Variants in ASCC1 observed in about 807,000 individuals in gnomAD.
The protein encoded by ASCC1 is ASC-1 complex subunit P50.
A neutral mutation model predicts 46.6 loss-of-function variants in ASCC1; 35 were observed. That is an observed-to-expected ratio of 0.75 (90% CI 0.57 to 0.99). ASCC1 has a LOEUF of 0.99. Among genes scored for constraint, ASCC1 ranks in the 50% least tolerant of loss-of-function variants. The pLI is 0.00. For missense variants in ASCC1, 376 were observed against 428.7 expected, an observed-to-expected ratio of 0.88 and a Z score of 1.09; for synonymous variants, 143 against 146.6, an observed-to-expected ratio of 0.98 and a Z score of 0.18.
intron 7 of ASCC1, among the ~76,000 whole-genome samples, chr10:72,149,240 C>T (rs535174441): frequency 6.6e-6 from 1 of 151,780 alleles, no homozygotes; most frequent in South Asian, 2.1e-4. Context: ...AGATCAAGAC[C>T]ATCCTGGCTG....
chr10:72,209,184 T>G (rs896956655), intron 3 of ASCC1, among the ~76,000 whole-genome samples: 2 of 149,476 alleles, frequency 1.3e-5, no homozygotes, highest in African/African-American at 5.0e-5. Flanking sequence ...AAAAAAGAGA[T>G]ATTTAAAAGG....
intron 3 of ASCC1, among the ~76,000 whole-genome samples, chr10:72,209,589 G>C (rs1031042072): frequency 1.3e-5 from 2 of 151,992 alleles, no homozygotes; most frequent in Non-Finnish European, 2.9e-5. Context: ...TTCGAGACCA[G>C]CCTAGCCAAC....
chr10:72,132,971 T>G, intron 8 of ASCC1, 86 bp downstream of exon 8: 1 of 1,568,496 alleles, frequency 6.4e-7, no homozygotes, highest in Non-Finnish European at 8.8e-7. Context: ...TATCAGAGAT[T>G]CTTTGATAGC....
At chr10:72,198,701 G>C (rs189329499) in intron 4 of ASCC1, 13 of 456,012 alleles carry the variant, frequency 2.9e-5, no homozygotes, top group Admixed American at 2.4e-5. Flanking sequence ...GGGTAAATCA[G>C]AGCAAATATC....
intron 9 of ASCC1, among the ~76,000 whole-genome samples, chr10:72,124,507 T>C (rs1782646772): frequency 6.6e-6 from 1 of 152,214 alleles, no homozygotes; most frequent in African/African-American, 2.4e-5. Context: ...ATTGTACCCC[T>C]GGTTCAATCT....
chr10:72,117,163 A>C (rs966732205), intron 9 of ASCC1, among the ~76,000 whole-genome samples: 1 of 152,218 alleles, frequency 6.6e-6, no homozygotes, highest in Non-Finnish European at 1.5e-5. Flanking sequence ...CACAGTAAGC[A>C]TAGTTGTTTT....
At chr10:72,165,432 A>G (rs1422455800) in intron 5 of ASCC1, among the ~76,000 whole-genome samples, 1 of 152,230 alleles carries the variant, frequency 6.6e-6, no homozygotes, top group African/African-American at 2.4e-5. Context: ...AAGCTCTTCT[A>G]TTCCAACAGG....
chr10:72,181,960 A>T (rs1393879865), intron 5 of ASCC1, among the ~76,000 whole-genome samples: 1 of 152,182 alleles, frequency 6.6e-6, no homozygotes, highest in Non-Finnish European at 1.5e-5. Flanking sequence ...TGCTGGGATT[A>T]CAGGTGTGAG....
chr10:72,097,472 C>T (rs1226122379), intron 9 of ASCC1, 22 bp from the exon 10 acceptor site: 1 of 1,414,714 alleles, frequency 7.1e-7, no homozygotes, highest in African/African-American at 1.4e-5. Flanking sequence ...GAATAAAAAC[C>T]CAGAATGAAT....
At chr10:72,121,309 A>G (rs7097589) in intron 9 of ASCC1, among the ~76,000 whole-genome samples, 6,172 of 151,988 alleles carry the variant, frequency 0.041, 450 homozygotes, top group African/African-American at 0.14. Context: ...ATGCCCAGCT[A>G]ATTTTTTTAA....
rs549889777 is a variant in ASCC1 at position 72,101,469 on chromosome 10, GGCGTAACACA to G, written c.958-4029_958-4020del. ...GAGCTGGGCCTTGTGGCAGGTATAG[GGCGTAACACA>G]GAGGAGGGAGGGCAGCATGAAGGCA... is the stretch of plus-strand genomic sequence containing the variant. On this transcript the variant is annotated intron_variant, in intron 9 of 9. Transcript: ENST00000672957. Among the ~76,000 whole-genome samples the G allele has an allele frequency of 1.1e-4, 16 of 152,244 alleles. No individual in the cohort carries two copies. The South Asian group carries it at 2.5e-3, about 24-fold the overall frequency.
At chr10:72,155,335 T>A (rs906640228) in intron 6 of ASCC1, among the ~76,000 whole-genome samples, 8 of 152,174 alleles carry the variant, frequency 5.3e-5, no homozygotes, top group Non-Finnish European at 1.2e-4. Flanking sequence ...AATAATTCTA[T>A]TTATGGGACA....
chr10:72,132,952 AAG>A lies in ASCC1; in HGVS notation c.871+103_871+104del. 13 of 1,467,312 alleles carry A rather than the reference AAG, an allele frequency of 8.9e-6. No homozygotes were observed. In the Middle Eastern group the frequency reaches 1.2e-3, roughly 139 times the overall value. 90.9% of individuals were successfully genotyped at this position (1,467,312 alleles called of 1,614,324 possible). ...TCAGAATAAGCTAAGAGGTCTAAAA[AAG>A]AAGCTATATCAGAGATTCTTTGATA... On this transcript the variant is annotated intron_variant, in intron 8 of 9. Coordinates refer to ENST00000672957, the MANE Select transcript of ASCC1 (RefSeq NM_001198800.3).
At chr10:72,128,405 C>T (rs967644796) in intron 8 of ASCC1, among the ~76,000 whole-genome samples, 1 of 152,240 alleles carries the variant, frequency 6.6e-6, no homozygotes, top group Non-Finnish European at 1.5e-5. Context: ...ATTCTCCAGG[C>T]ACTCACTATA....
intron 9 of ASCC1, among the ~76,000 whole-genome samples, chr10:72,108,385 C>T (rs186887286): frequency 6.6e-6 from 1 of 152,204 alleles, no homozygotes; most frequent in East Asian, 1.9e-4. Context: ...TCCTACACTC[C>T]TAAGTTGGAA....
chr10:72,132,668 C>T (rs1845743174), intron 8 of ASCC1, among the ~76,000 whole-genome samples: 1 of 151,892 alleles, frequency 6.6e-6, no homozygotes, highest in Non-Finnish European at 1.5e-5. Context: ...AAATAACCCC[C>T]AGTTGAGAAA....
chr10:72,195,837 A>G (rs1855343913), intron 5 of ASCC1, among the ~76,000 whole-genome samples: 1 of 151,698 alleles, frequency 6.6e-6, no homozygotes, highest in Admixed American at 6.6e-5. Context: ...GCTGTCTCAA[A>G]AAAAAAAAAA....
intron 7 of ASCC1, among the ~76,000 whole-genome samples, chr10:72,151,845 C>T (rs1848377953): frequency 6.6e-6 from 1 of 151,954 alleles, no homozygotes; most frequent in South Asian, 2.1e-4. Context: ...CATGCCACCA[C>T]ACCGGCTAAT....
intron 5 of ASCC1, among the ~76,000 whole-genome samples, chr10:72,196,137 A>G (rs1855384658): frequency 6.6e-6 from 1 of 152,066 alleles, no homozygotes; most frequent in Non-Finnish European, 1.5e-5. Context: ...CTACATGCAA[A>G]TTTGTCTTTT....
Sources: gnomAD v4.1 joint callset for allele counts (sites outside exome capture counted in the v4.1 genomes callset) on GRCh38, gnomAD v4.1.1 for gene constraint, MANE v1.5 for transcripts, NCBI Gene and HGNC (gene_info 2026-07-23, HGNC 2026-07-21) for gene names.